The following PTPN7 variants were observed in gnomAD, a reference collection of about 807,000 sequenced individuals.
PTPN7 encodes protein tyrosine phosphatase non-receptor type 7.
In PTPN7, 33 loss-of-function variants were observed where a neutral mutation model predicts 50.3. That is an observed-to-expected ratio of 0.66 (90% confidence interval 0.50 to 0.88). The LOEUF (loss-of-function observed/expected upper bound fraction) is 0.88. Ranked by LOEUF, PTPN7 falls within the 40% of genes least tolerant of loss-of-function variation. The pLI, the probability that PTPN7 is intolerant of heterozygous loss-of-function variation, is 0.00. For synonymous variants in PTPN7, 185 were observed against 186.6 expected, an observed-to-expected ratio of 0.99 and a Z score of 0.07; for missense variants, 412 against 475.4, an observed-to-expected ratio of 0.87 and a Z score of 1.24.
rs900792000 is a variant in PTPN7 at position 202,148,578 on chromosome 1, C to T, written c.*28G>A. On this transcript the variant is annotated 3_prime_UTR_variant, in exon 10 of 10. Coordinates refer to ENST00000691036, the MANE Select transcript of PTPN7 (RefSeq NM_002832.4). ...CCTTCCCAGGCTTGAGGGAGGTAGG[C>T]ACCTGGGCCACCGGAGGGTGGCAGG... is the stretch of plus-strand genomic sequence containing the variant. 6.2e-7 allele frequency: 1 copy of T among 1,600,154 alleles called. No individual in the cohort carries two copies. The highest frequency in any genetic ancestry group is 1.7e-5 in the Admixed American group (1 of 59,850).
chr1:202,151,275 G>A (rs1655977632), intron 8 of PTPN7, among the ~76,000 whole-genome samples: 2 of 152,172 alleles, frequency 1.3e-5, no homozygotes, highest in Admixed American at 1.3e-4. Context: ...GGCCTAACCT[G>A]TAACCCTGCT....
upstream of PTPN7, chr1:202,161,137 G>A: frequency 2.5e-6 from 3 of 1,216,010 alleles, no homozygotes; most frequent in Non-Finnish European, 3.1e-6. Context: ...GACTCGGGGT[G>A]GGGAAAAAGA....
Position 202,159,748 on chromosome 1 carries a change from A to C in PTPN7, c.-52-294T>G, listed in dbSNP as rs1175525227. On this transcript the variant is annotated intron_variant, in intron 1 of 9. Transcript: ENST00000691036. The surrounding 1 kb of genome is among the most constrained non-coding windows in gnomAD (Gnocchi z 4.6). ...AGAGAGGCCACACACCAGAGTACAC[A>C]GGGCTCTGAGCAGGTCCAAGTGGGA... The C allele has an allele frequency of 7.5e-7, 1 of 1,332,678 alleles. No individual in the cohort carries two copies. Among genetic ancestry groups the C allele is most frequent in the East Asian group, 2.7e-5 (1 of 36,914 alleles). 82.6% of individuals were successfully genotyped at this position (1,332,678 alleles called of 1,614,324 possible). A position where few individuals can be genotyped will look rare whatever the true frequency, so the allele number is the denominator to read the frequency against.
chr1:202,157,702 T>A (rs763654957), intron 4 of PTPN7, 37 bp downstream of exon 4: 19 of 1,571,124 alleles, frequency 1.2e-5, no homozygotes, highest in Non-Finnish European at 1.7e-5. Flanking sequence ...CCCCAGGGAC[T>A]GTACCCGACT....
Position 202,150,334 on chromosome 1 carries a change from A to C in PTPN7, c.966T>G (p.Ile322Met). 1.9e-6 allele frequency: 3 copies of C among 1,612,674 alleles called. No homozygotes were observed. The highest frequency in any genetic ancestry group is 1.7e-6 in the Non-Finnish European group (2 of 1,179,380). Residue 322 changes from isoleucine to methionine, a missense_variant, in exon 9 of 10, where the codon ATT becomes ATG. Ile to Met is a conservative substitution (Grantham distance 10, BLOSUM62 1). Transcript: ENST00000691036. The stretch of plus-strand genomic sequence containing the variant: ...ACCTGTCTAGCCGCAGTTGGCACAC[A>C]ATACCCAGAATGTCCACTTCTCCTC... ...KARGEVDILG[I>M]VCQLRLDRGG...
upstream of PTPN7, chr1:202,161,134 G>C (rs1324438450): frequency 2.4e-6 from 3 of 1,227,874 alleles, no homozygotes; most frequent in East Asian, 1.1e-4. Flanking sequence ...ACAGACTCGG[G>C]GTGGGGAAAA....
rs549076271 is a variant in PTPN7 at position 202,148,580 on chromosome 1, C to A, written c.*26G>T. On this transcript the variant is annotated 3_prime_UTR_variant, in exon 10 of 10. Transcript: ENST00000691036. ...TTCCCAGGCTTGAGGGAGGTAGGCA[C>A]CTGGGCCACCGGAGGGTGGCAGGGG... The A allele has an allele frequency of 1.9e-6, 3 of 1,605,404 alleles. No individual in the cohort carries two copies. The highest frequency in any genetic ancestry group is 2.2e-5 in the East Asian group (1 of 44,808).
intron 4 of PTPN7, among the ~76,000 whole-genome samples, chr1:202,157,311 A>G (rs945552846): frequency 2.0e-5 from 3 of 152,278 alleles, no homozygotes; most frequent in Admixed American, 2.0e-4. Flanking sequence ...GGAGTTCGAG[A>G]CCAGCCTGAC....
intron 5 of PTPN7, among the ~76,000 whole-genome samples, chr1:202,155,166 G>A (rs368118664): frequency 3.9e-5 from 6 of 152,150 alleles, no homozygotes; most frequent in African/African-American, 1.4e-4. Context: ...TTGGCGGGGA[G>A]GTCCCATTAG....
intron 2 of PTPN7, chr1:202,158,958 C>G: frequency 5.7e-6 from 2 of 353,414 alleles, no homozygotes; most frequent in South Asian, 3.4e-5. Context: ...AACAGGGCAG[C>G]CTTGAACTCA....
In PTPN7 at chr1:202,152,684, G is replaced by A. The variant is rs758687548; in HGVS notation, c.733C>T (p.Arg245Trp). The A allele has an allele frequency of 7.4e-6, 12 of 1,613,972 alleles. No individual in the cohort carries two copies. Among genetic ancestry groups the A allele is most frequent in the East Asian group, 2.2e-5 (1 of 44,906 alleles). ...QLTIQYQEER[R>W]SVKHILFSAW... ...GAAAAGAGGATGTGCTTTACTGACC[G>A]GCGCTCTTCCTGGTACTGGATTGGA... The change falls in exon 8 of 10, where the codon CGG becomes TGG. Residue 245 changes from arginine to tryptophan, a missense_variant. Arg to Trp is a moderately radical substitution (Grantham distance 101, BLOSUM62 -3). Transcript: ENST00000691036.
chr1:202,160,761 G>C, upstream of PTPN7: 1 of 1,550,912 alleles, frequency 6.4e-7, no homozygotes. This position sits in a 1 kb window ranked among gnomAD's most constrained non-coding sequence, Gnocchi z 4.8. Flanking sequence ...TGGGGCCCAA[G>C]GCCCCGTTCC....
At chr1:202,154,598 G>A (rs1656439612) in intron 5 of PTPN7, among the ~76,000 whole-genome samples, 1 of 152,260 alleles carries the variant, frequency 6.6e-6, no homozygotes, top group South Asian at 2.1e-4. Flanking sequence ...TGTAAATTGG[G>A]CATAATAATA....
chr1:202,154,366 A>G, intron 5 of PTPN7, 43 bp from the exon 6 acceptor site: 1 of 1,585,008 alleles, frequency 6.3e-7, no homozygotes, highest in Non-Finnish European at 8.6e-7. Context: ...GAGCAGTGAG[A>G]GCAGAGCTCT....
chr1:202,148,720 AC>A (rs1219605832), intron 9 of PTPN7, 21 bp from the exon 10 acceptor site: 27 of 1,607,394 alleles, frequency 1.7e-5, no homozygotes, highest in Non-Finnish European at 2.3e-5. Flanking sequence ...AAACACACAG[AC>A]CATGAGTGAA....
chr1:202,152,972 ATC>A (rs1348651974), intron 7 of PTPN7, among the ~76,000 whole-genome samples: 1 of 152,170 alleles, frequency 6.6e-6, no homozygotes, highest in Non-Finnish European at 1.5e-5. Context: ...AAGTCCCTTG[ATC>A]TCATTTTCTT....
intron 8 of PTPN7, 122 bp downstream of exon 8, chr1:202,152,420 A>G (rs1316295368): frequency 5.0e-6 from 6 of 1,196,132 alleles, no homozygotes; most frequent in Non-Finnish European, 6.8e-6. Context: ...CTTGCGAGTC[A>G]TGTCTGAGTA....
At position 202,159,257 on chromosome 1, in the gene PTPN7, C is replaced by A; in HGVS notation, c.122+24G>T. ...GAATGGGGGCTCAGGGCTCGGAAGA[C>A]CCCTCCCCCAGGGAAGATCTCACCT... On this transcript the variant is annotated intron_variant, in intron 2 of 9. Transcript: ENST00000691036. This position sits in a 1 kb window ranked among gnomAD's most constrained non-coding sequence, Gnocchi z 4.6. 6.2e-7 allele frequency: 1 copy of A among 1,608,920 alleles called. No homozygotes were observed. Among genetic ancestry groups the A allele is most frequent in the Non-Finnish European group, 8.5e-7 (1 of 1,175,950 alleles).
At chr1:202,154,410 A>G in intron 5 of PTPN7, 87 bp from the exon 6 acceptor site, 5 of 1,489,604 alleles carry the variant, frequency 3.4e-6, no homozygotes, top group Non-Finnish European at 4.5e-6. Flanking sequence ...TGCTGGGGTC[A>G]GCCTGAAGCT....
Sources: gnomAD v4.1 joint callset for allele counts (sites outside exome capture counted in the v4.1 genomes callset) on GRCh38, gnomAD v4.1.1 for gene constraint, Gnocchi (gnomAD v3.1) non-coding constraint, MANE v1.5 for transcripts, NCBI Gene and HGNC (gene_info 2026-07-23, HGNC 2026-07-21) for gene names.